EIF3L: variants seen among roughly 807,000 people sequenced by gnomAD.
The protein encoded by EIF3L is eIEF associated protein HSPC021.
In EIF3L, 32 loss-of-function variants were observed where a neutral mutation model predicts 74.6. That is an observed-to-expected ratio of 0.43 (90% confidence interval 0.32 to 0.58). The LOEUF (loss-of-function observed/expected upper bound fraction) is 0.58. Among genes scored for constraint, EIF3L ranks in the 20% least tolerant of loss-of-function variants. The probability of loss-of-function intolerance (pLI) is 0.06; values close to 1 mark genes in which losing one functional copy is unlikely to be tolerated. For missense variants in EIF3L, 474 were observed against 707.8 expected (o/e 0.67, Z 3.75); for synonymous variants, 256 against 254.4 (o/e 1.01, Z -0.06).
intron 5 of EIF3L, among the ~76,000 whole-genome samples, chr22:37,859,217 G>A (rs774402948): frequency 2.6e-5 from 4 of 151,546 alleles, no homozygotes. Flanking sequence ...GTGCCAAGAG[G>A]TTACCTTTTC....
At chr22:37,871,614 T>C (rs1435038559) in intron 8 of EIF3L, among the ~76,000 whole-genome samples, 4 of 152,212 alleles carry the variant, frequency 2.6e-5, no homozygotes, top group Non-Finnish European at 5.9e-5. Flanking sequence ...ACGCCTATTA[T>C]CCTGGCATTT....
At chr22:37,863,078 G>C in intron 6 of EIF3L, 40 bp downstream of exon 6, 6 of 1,469,416 alleles carry the variant, frequency 4.1e-6, no homozygotes, top group Non-Finnish European at 5.6e-6. Context: ...GTGTGGTTAT[G>C]ATGAGGTTCA....
chr22:37,872,572 T>C (rs1328948464), intron 8 of EIF3L, among the ~76,000 whole-genome samples: 1 of 152,218 alleles, frequency 6.6e-6, no homozygotes, highest in Non-Finnish European at 1.5e-5. Context: ...ATAGAGCTTG[T>C]AGTGGCAGAT....
chr22:37,857,383 A>AC (rs1925582135), intron 4 of EIF3L, among the ~76,000 whole-genome samples: 1 of 151,092 alleles, frequency 6.6e-6, no homozygotes, highest in South Asian at 2.1e-4. Flanking sequence ...AAAAAAAAAA[A>AC]AAAAAAAAAC....
In EIF3L at chr22:37,875,887, A is replaced by G; in HGVS notation, c.953A>G (p.Tyr318Cys). 6.2e-7 allele frequency: 1 copy of G among 1,613,970 alleles called. No individual in the cohort carries two copies. The highest frequency in any genetic ancestry group is 1.1e-5 in the South Asian group (1 of 91,076). The part of the protein sequence containing the change: ...VPECQVTTYY[Y>C]VGFAYLMMRR... Reference sequence around the variant, plus strand: ...GAGTGCCAGGTCACCACATACTATTATGTTGGGTTTGCATATTTGATGATG... The same window carrying G: ...GAGTGCCAGGTCACCACATACTATTGTGTTGGGTTTGCATATTTGATGATG... Residue 318 changes from tyrosine to cysteine, a missense_variant, in exon 10 of 13, where the codon TAT becomes TGT. Around this residue, in one of 4 missense-constraint regions of EIF3L, gnomAD observed 293 missense variants for 469.1 expected, o/e 0.62. Transcript: ENST00000652021.
chr22:37,856,841 C>T lies in EIF3L; in HGVS notation c.373+1197C>T, dbSNP rs1313057219. On this transcript the variant is annotated intron_variant, in intron 4 of 12. Transcript: ENST00000652021. Reference sequence around the variant, plus strand: ...CCTGGGCAACAAGAGCGAAACTCCGCCTCAAAAAAAAAAAAAGAAAGAAAG... The same window carrying T: ...CCTGGGCAACAAGAGCGAAACTCCGTCTCAAAAAAAAAAAAAGAAAGAAAG... 2.0e-5 allele frequency among the ~76,000 whole-genome samples: 3 copies of T among 148,492 alleles called. No individual in the cohort carries two copies. The East Asian group carries it at 5.9e-4, about 29-fold the overall frequency.
At chr22:37,857,633 C>T (rs1462865648) in intron 4 of EIF3L, among the ~76,000 whole-genome samples, 1 of 151,772 alleles carries the variant, frequency 6.6e-6, no homozygotes, top group African/African-American at 2.4e-5. Flanking sequence ...CAACCTCTGC[C>T]TCCTGGGCTC....
chr22:37,871,076 T>C (rs527698407), intron 8 of EIF3L: 1 of 151,834 alleles, frequency 6.6e-6, no homozygotes, highest in African/African-American at 2.4e-5. Flanking sequence ...TGCAGTGAAC[T>C]GAGATCACAC....
At chr22:37,854,666 C>G (rs961237469) in intron 3 of EIF3L, among the ~76,000 whole-genome samples, 1 of 152,078 alleles carries the variant, frequency 6.6e-6, no homozygotes, top group Non-Finnish European at 1.5e-5. Context: ...GGGGTTTCAC[C>G]GTGTTGGTCA....
At chr22:37,864,255 G>A (rs1159190090) in intron 7 of EIF3L, among the ~76,000 whole-genome samples, 1 of 152,168 alleles carries the variant, frequency 6.6e-6, no homozygotes, top group Non-Finnish European at 1.5e-5. Context: ...GGGTCTTGCT[G>A]TGTTGCCCAT....
intron 9 of EIF3L, among the ~76,000 whole-genome samples, chr22:37,875,463 C>G (rs112482855): frequency 7.2e-5 from 11 of 152,014 alleles, no homozygotes; most frequent in African/African-American, 2.4e-4. Context: ...TCTTCCTAAC[C>G]ACAGAAAAAT....
At chr22:37,886,234 AG>A (rs1187726193) in intron 11 of EIF3L, 1 of 151,156 alleles carries the variant, frequency 6.6e-6, no homozygotes, top group Non-Finnish European at 1.5e-5. Context: ...ACAAAAAAAA[AG>A]TCTAGAAAAT....
intron 7 of EIF3L, among the ~76,000 whole-genome samples, chr22:37,868,264 C>T (rs1253520878): frequency 6.6e-6 from 1 of 150,464 alleles, no homozygotes; most frequent in African/African-American, 2.4e-5. Flanking sequence ...CAGGTGTGCA[C>T]CACCACGCCC....
intron 7 of EIF3L, among the ~76,000 whole-genome samples, chr22:37,864,456 G>T (rs1317795671): frequency 6.6e-6 from 1 of 152,014 alleles, no homozygotes; most frequent in Admixed American, 6.6e-5. Flanking sequence ...AAGGTCGAAT[G>T]AGAACTGTGC....
At chr22:37,874,687 C>T (rs1421683646) in intron 9 of EIF3L, among the ~76,000 whole-genome samples, 163 bp downstream of exon 9, 1 of 152,118 alleles carries the variant, frequency 6.6e-6, no homozygotes, top group Non-Finnish European at 1.5e-5. Context: ...TGGTAAAAAG[C>T]TAGACCTGGA....
In EIF3L at chr22:37,851,485, G is replaced by C; in HGVS notation, c.288G>C (p.Glu96Asp). ...QKVYEIQDIY[E>D]NSWTKLTERF... The stretch of plus-strand genomic sequence containing the variant: ...TGTATGAGATCCAGGACATCTATGA[G>C]AACAGGTATGGGCTACTGGCTGAAA... Residue 96 changes from glutamate to aspartate, a missense_variant, in exon 3 of 13, where the codon GAG becomes GAC. This residue lies in a region of EIF3L where 141 missense variants were observed against 197.7 expected (regional missense o/e 0.71). Transcript: ENST00000652021. 1 of 1,584,508 alleles carries C rather than the reference G, an allele frequency of 6.3e-7. No homozygotes were observed. The highest frequency in any genetic ancestry group is 1.1e-5 in the South Asian group (1 of 90,652).
intron 5 of EIF3L, among the ~76,000 whole-genome samples, chr22:37,860,759 C>T (rs151038213): frequency 2.6e-5 from 4 of 152,320 alleles, no homozygotes; most frequent in Non-Finnish European, 5.9e-5. Flanking sequence ...CCCTGAATTA[C>T]TGCAGGAGCT....
chr22:37,876,071 A>G (rs1926732207), intron 10 of EIF3L, 60 bp downstream of exon 10: 1 of 1,544,106 alleles, frequency 6.5e-7, no homozygotes. Flanking sequence ...CTTGGCACCT[A>G]TGCCAACCAT....
At chr22:37,868,064 T>G (rs1337606493) in intron 7 of EIF3L, among the ~76,000 whole-genome samples, 1 of 151,868 alleles carries the variant, frequency 6.6e-6, no homozygotes, top group African/African-American at 2.4e-5. Flanking sequence ...TTGCCTGTTT[T>G]CTATTTGATT....
Sources: gnomAD v4.1 joint callset for allele counts (sites outside exome capture counted in the v4.1 genomes callset) on GRCh38, gnomAD v4.1.1 for gene constraint, gnomAD v4.1.1 regional missense constraint, MANE v1.5 for transcripts, NCBI Gene and HGNC (gene_info 2026-07-23, HGNC 2026-07-21) for gene names.